The following RYR2 variants were observed in gnomAD, a reference collection of about 807,000 sequenced individuals.
RYR2 encodes the protein cardiac muscle ryanodine receptor-calcium release channel.
A neutral mutation model predicts 601.1 loss-of-function variants in RYR2; 227 were observed. That is an observed-to-expected ratio of 0.38 (90% CI 0.34 to 0.42). The LOEUF is 0.42. RYR2 is among the 10% of genes least tolerant of loss of function. RYR2 has a pLI of 1.00. For missense variants in RYR2, 4,646 were observed against 6,156.5 expected (o/e 0.75, Z 8.21); for synonymous variants, 2,223 against 2,175.1 (o/e 1.02, Z -0.61).
chr1:237,791,550 A>G (rs1369363504), intron 93 of RYR2, 35 bp downstream of exon 93: 2 of 1,034,416 alleles, frequency 1.9e-6, no homozygotes, highest in Admixed American at 4.0e-5. Context: ...TACTGGTATA[A>G]AACTCCAAAT....
chr1:237,677,995 A>G (rs910910346), intron 60 of RYR2, 53 bp from the exon 61 acceptor site: 12 of 1,032,652 alleles, frequency 1.2e-5, no homozygotes, highest in Admixed American at 1.8e-5. Context: ...ATGGATGAAT[A>G]TCTTGCAATG....
chr1:237,733,700 C>T lies in RYR2; in HGVS notation c.11040-5C>T. 6.2e-7 allele frequency: 1 copy of T among 1,605,910 alleles called. No individual in the cohort carries two copies. The highest frequency in any genetic ancestry group is 1.7e-4 in the Middle Eastern group (1 of 6,044). On this transcript the variant is annotated splice_polypyrimidine_tract_variant and splice_region_variant and intron_variant, in intron 78 of 104. Transcript: ENST00000366574. Reference sequence around the variant, plus strand: ...ACACTGATGTTTTCTTCTTGCTTTCCCCAGCAAACTGGAGGAAGATTTTTT... The same window carrying T: ...ACACTGATGTTTTCTTCTTGCTTTCTCCAGCAAACTGGAGGAAGATTTTTT...
chr1:237,555,990 G>T (rs1289204022), intron 27 of RYR2, among the ~76,000 whole-genome samples: 1 of 152,120 alleles, frequency 6.6e-6, no homozygotes, highest in Non-Finnish European at 1.5e-5. Context: ...AGTGACACAT[G>T]ATACATTTGC....
At chr1:237,320,782 T>A (rs1394305629) in intron 2 of RYR2, among the ~76,000 whole-genome samples, 1 of 152,150 alleles carries the variant, frequency 6.6e-6, no homozygotes, top group African/African-American at 2.4e-5. Flanking sequence ...CCAGACAGGA[T>A]CACAGTATTA....
intron 34 of RYR2, 33 bp downstream of exon 34, chr1:237,595,690 G>A: frequency 6.4e-7 from 1 of 1,561,670 alleles, no homozygotes; most frequent in South Asian, 1.2e-5. Context: ...AGTCTTCTAG[G>A]GAGGAAGACT....
intron 38 of RYR2, among the ~76,000 whole-genome samples, chr1:237,621,849 A>T (rs1271361079): frequency 6.6e-6 from 1 of 152,198 alleles, no homozygotes; most frequent in African/African-American, 2.4e-5. Flanking sequence ...AGAGATGGAA[A>T]ACAAATTTGT....
At chr1:237,376,786 A>G (rs1165724988) in intron 7 of RYR2, among the ~76,000 whole-genome samples, 2 of 152,220 alleles carry the variant, frequency 1.3e-5, no homozygotes, top group African/African-American at 4.8e-5. Flanking sequence ...AATAGAAAAC[A>G]CCACATTTTA....
chr1:237,742,887 C>T (rs556076161), intron 80 of RYR2, among the ~76,000 whole-genome samples: 2 of 152,280 alleles, frequency 1.3e-5, no homozygotes, highest in South Asian at 4.1e-4. Flanking sequence ...CAACTATTTT[C>T]TCAAATGCTC....
chr1:237,777,994 A>G (rs1694798600), intron 87 of RYR2, among the ~76,000 whole-genome samples: 1 of 152,130 alleles, frequency 6.6e-6, no homozygotes, highest in Non-Finnish European at 1.5e-5. Context: ...TTAAGCTTAA[A>G]TTTACATTGA....
intron 41 of RYR2, among the ~76,000 whole-genome samples, chr1:237,629,493 T>G (rs982912791): frequency 3.3e-5 from 5 of 152,038 alleles, no homozygotes; most frequent in African/African-American, 1.2e-4. Flanking sequence ...AATGTAGAAT[T>G]CTGGAAGATA....
intron 62 of RYR2, among the ~76,000 whole-genome samples, chr1:237,682,345 AG>A (rs1685960691): frequency 6.6e-6 from 1 of 152,158 alleles, no homozygotes; most frequent in African/African-American, 2.4e-5. Flanking sequence ...TTGGGGCTCT[AG>A]ACTAACCCTA....
At position 237,351,236 on chromosome 1, in the gene RYR2, A is replaced by G. The variant is rs192953167; in HGVS notation, c.274-4729A>G. On this transcript the variant is annotated intron_variant, in intron 3 of 104. Coordinates refer to ENST00000366574, the MANE Select transcript of RYR2 (RefSeq NM_001035.3). ...CAGTTAAAACTGATTAGAGGAAGTT[A>G]TTCGGCCCTAAATACATAAGAAGAA... Among the ~76,000 whole-genome samples, 534 of 152,286 alleles carry G rather than the reference A, an allele frequency of 3.5e-3. 3 individuals carry two copies. Among genetic ancestry groups the G allele is most frequent in the African/African-American group, 0.012 (505 of 41,588 alleles).
At chr1:237,686,273 T>G (rs1686384260) in intron 62 of RYR2, among the ~76,000 whole-genome samples, 1 of 152,122 alleles carries the variant, frequency 6.6e-6, no homozygotes. Flanking sequence ...CTGGGGTGAG[T>G]GCTGGCTGGG....
intron 12 of RYR2, among the ~76,000 whole-genome samples, chr1:237,440,768 A>C (rs1707829453): frequency 6.6e-6 from 1 of 152,192 alleles, no homozygotes; most frequent in South Asian, 2.1e-4. Context: ...AGTTGTCAAA[A>C]AATTTTGAAG....
chr1:237,369,498 T>TC, intron 5 of RYR2, 36 bp from the exon 6 acceptor site: 1 of 1,523,664 alleles, frequency 6.6e-7, no homozygotes, highest in Non-Finnish European at 8.9e-7. Context: ...TTTGTGTTTT[T>TC]CTCTCTTGTT....
intron 1 of RYR2, among the ~76,000 whole-genome samples, chr1:237,207,691 T>C (rs965787600): frequency 2.6e-5 from 4 of 152,326 alleles, no homozygotes; most frequent in East Asian, 3.9e-4. Flanking sequence ...TTCTGTTCTA[T>C]ATAAATTACC....
At chr1:237,487,204 T>C (rs1572548088) in intron 17 of RYR2, among the ~76,000 whole-genome samples, 1 of 152,186 alleles carries the variant, frequency 6.6e-6, no homozygotes, top group African/African-American at 2.4e-5. Context: ...ATTGTAACTA[T>C]TGATATTATA....
chr1:237,091,685 T>C (rs1159744021), intron 1 of RYR2, among the ~76,000 whole-genome samples: 1 of 152,142 alleles, frequency 6.6e-6, no homozygotes, highest in South Asian at 2.1e-4. Context: ...TTGGCCTCCC[T>C]AAGTGCTGGG....
At chr1:237,375,757 T>C (rs1267645090) in intron 7 of RYR2, among the ~76,000 whole-genome samples, 1 of 152,158 alleles carries the variant, frequency 6.6e-6, no homozygotes, top group African/African-American at 2.4e-5. Context: ...TTTTTGCTAG[T>C]TTTTTAGTTT....
Sources: gnomAD v4.1 joint callset for allele counts (sites outside exome capture counted in the v4.1 genomes callset) on GRCh38, gnomAD v4.1.1 for gene constraint, MANE v1.5 for transcripts, NCBI Gene and HGNC (gene_info 2026-07-23, HGNC 2026-07-21) for gene names.